SLC25A42: variants seen among roughly 807,000 people sequenced by gnomAD.
The protein encoded by SLC25A42 is mitochondrial coenzyme A transporter SLC25A42.
SLC25A42 carries 19 observed loss-of-function variants against 34.7 expected under a neutral mutation model. The ratio of observed to expected loss-of-function variants is 0.55; its 90% CI spans 0.38 to 0.80. The LOEUF (loss-of-function observed/expected upper bound fraction) is 0.80, where lower values mean the gene tolerates loss of function less well. Ranked by LOEUF, SLC25A42 falls within the 30% of genes least tolerant of loss-of-function variation. The pLI is 0.00. For synonymous variants in SLC25A42, 205 were observed against 191.2 expected (o/e 1.07, Z -0.59); for missense variants, 364 against 441.3 (o/e 0.82, Z 1.57).
intron 1 of SLC25A42, among the ~76,000 whole-genome samples, chr19:19,069,429 T>TG (rs1462491776): frequency 1.3e-5 from 2 of 152,066 alleles, no homozygotes; most frequent in African/African-American, 2.4e-5. Flanking sequence ...TACCACAAAC[T>TG]GGGGGGCTTC....
chr19:19,069,316 G>C (rs190062062), intron 1 of SLC25A42, among the ~76,000 whole-genome samples: 158 of 152,352 alleles, frequency 1.0e-3, no homozygotes, highest in African/African-American at 3.7e-3. Context: ...GGTTCTGGCA[G>C]GCAAATGGCT....
Position 19,074,431 on chromosome 19 carries a change from T to G in SLC25A42, c.-35+10316T>G, listed in dbSNP as rs1258781623. On this transcript the variant is annotated intron_variant, in intron 1 of 7. Coordinates refer to ENST00000318596, the MANE Select transcript of SLC25A42 (RefSeq NM_178526.5). ...GCTGGCAGATAGGATGTTAATTGGC[T>G]TCCGTTTACTGAGAGATTACAGGAT... 2.6e-5 allele frequency among the ~76,000 whole-genome samples: 4 copies of G among 152,210 alleles called. No individual in the cohort carries two copies. In the East Asian group the frequency reaches 7.7e-4, roughly 29 times the overall value.
intron 2 of SLC25A42, among the ~76,000 whole-genome samples, chr19:19,098,162 G>A (rs1471100100): frequency 6.6e-6 from 1 of 152,160 alleles, no homozygotes; most frequent in Non-Finnish European, 1.5e-5. Flanking sequence ...AGGTGTTTGT[G>A]TTCATTAGAG....
At chr19:19,079,916 T>A (rs1352204640) in intron 1 of SLC25A42, among the ~76,000 whole-genome samples, 4 of 152,032 alleles carry the variant, frequency 2.6e-5, no homozygotes, top group Non-Finnish European at 4.4e-5. Context: ...TGCCTGGAAG[T>A]GGAATTGCTG....
At chr19:19,070,896 G>A (rs1326425284) in intron 1 of SLC25A42, among the ~76,000 whole-genome samples, 1 of 151,800 alleles carries the variant, frequency 6.6e-6, no homozygotes, top group Non-Finnish European at 1.5e-5. Context: ...GATGGCTCAT[G>A]TTGGCAGCTT....
intron 1 of SLC25A42, among the ~76,000 whole-genome samples, chr19:19,075,200 A>C (rs938533971): frequency 6.6e-6 from 1 of 152,050 alleles, no homozygotes; most frequent in Admixed American, 6.6e-5. Flanking sequence ...GCAACTGTCA[A>C]CTTGCTTGGA....
In SLC25A42 at chr19:19,097,513, C is replaced by T. The variant is rs573671840; in HGVS notation, c.81+1308C>T. ...AGGCAGCGGTGGCTGCTGAACCACA[C>T]GCAGAAATGCGCCAGTGCTGGTCAC... On this transcript the variant is annotated intron_variant, in intron 2 of 7. Coordinates refer to ENST00000318596, the MANE Select transcript of SLC25A42 (RefSeq NM_178526.5). 7.2e-5 allele frequency among the ~76,000 whole-genome samples: 11 copies of T among 152,360 alleles called. No homozygotes were observed. The East Asian group carries it at 7.7e-4, about 11-fold the overall frequency.
intron 2 of SLC25A42, among the ~76,000 whole-genome samples, chr19:19,097,242 G>A (rs1488034083): frequency 6.6e-6 from 1 of 152,196 alleles, no homozygotes; most frequent in Non-Finnish European, 1.5e-5. Context: ...CAAAGGCTGA[G>A]GTGGCGTCAT....
At chr19:19,110,201 C>T (rs2059855264) in intron 7 of SLC25A42, among the ~76,000 whole-genome samples, 1 of 152,064 alleles carries the variant, frequency 6.6e-6, no homozygotes, top group South Asian at 2.1e-4. Context: ...ACAACATTAG[C>T]CAGGCGTGGT....
chr19:19,073,086 C>T (rs2059638880), intron 1 of SLC25A42, among the ~76,000 whole-genome samples: 1 of 152,208 alleles, frequency 6.6e-6, no homozygotes, highest in African/African-American at 2.4e-5. Context: ...GGCAGGGAGC[C>T]TGTGCATGCT....
intron 1 of SLC25A42, among the ~76,000 whole-genome samples, chr19:19,080,348 G>GC (rs2059674953): frequency 6.6e-6 from 1 of 152,156 alleles, no homozygotes; most frequent in Non-Finnish European, 1.5e-5. Context: ...GATAAGGACA[G>GC]CCCCACCCCC....
At chr19:19,090,428 CT>C (rs1301096119) in intron 1 of SLC25A42, among the ~76,000 whole-genome samples, 17 of 140,678 alleles carry the variant, frequency 1.2e-4, no homozygotes, top group Admixed American at 1.0e-3. Flanking sequence ...CTTGGGAGCC[CT>C]TTATAAGGAA....
At chr19:19,110,365 T>C (rs1453899987) in intron 7 of SLC25A42, among the ~76,000 whole-genome samples, 2 of 152,180 alleles carry the variant, frequency 1.3e-5, no homozygotes, top group Non-Finnish European at 2.9e-5. Flanking sequence ...TTTTTTTTAT[T>C]TCTCGAGTTT....
At chr19:19,090,365 A>T (rs1568515420) in intron 1 of SLC25A42, among the ~76,000 whole-genome samples, 1 of 152,198 alleles carries the variant, frequency 6.6e-6, no homozygotes, top group African/African-American at 2.4e-5. Context: ...GTAACAAAAG[A>T]CAGATTAACA....
rs1314495280 is a variant in SLC25A42 at position 19,094,766 on chromosome 19, G to A, written c.-34-1325G>A. Among the ~76,000 whole-genome samples the A allele has an allele frequency of 2.0e-5, 3 of 152,200 alleles. No homozygotes were observed. In the East Asian group the frequency reaches 5.8e-4, roughly 29 times the overall value. ...ATTTTAAAGCGTGGGAACTAACCAG[G>A]CACGGTGGCCATGCCTGGAATCCCA... is the stretch of plus-strand genomic sequence containing the variant. On this transcript the variant is annotated intron_variant, in intron 1 of 7. Coordinates refer to ENST00000318596, the MANE Select transcript of SLC25A42 (RefSeq NM_178526.5).
intron 1 of SLC25A42, among the ~76,000 whole-genome samples, chr19:19,065,866 G>GT (rs200108297): frequency 9.4e-4 from 143 of 151,800 alleles, no homozygotes; most frequent in African/African-American, 3.3e-3. Context: ...TAGTTTTTGG[G>GT]TTTTTTTTGA....
chr19:19,088,803 T>C (rs975654157), intron 1 of SLC25A42, among the ~76,000 whole-genome samples: 1 of 151,414 alleles, frequency 6.6e-6, no homozygotes, highest in Non-Finnish European at 1.5e-5. Context: ...CGGCCTTTTT[T>C]TTTTCGTTTT....
At position 19,110,651 on chromosome 19, in the gene SLC25A42, G is replaced by C. The variant is rs1443111938; in HGVS notation, c.732G>C (p.Ser244=). The part of the protein sequence containing the change: ...ACAGLIGQSA[S]YPLDVVRRRM... ...CTGGCCTCATCGGGCAGTCGGCCTC[G>C]TACCCGCTGGATGTGGTGCGGCGGC... is the stretch of plus-strand genomic sequence containing the variant. Residue 244 remains serine, a synonymous_variant, in exon 8 of 8, where the codon TCG becomes TCC. Transcript: ENST00000318596. 6.4e-7 allele frequency: 1 copy of C among 1,552,310 alleles called. No individual in the cohort carries two copies. Among genetic ancestry groups the C allele is most frequent in the Admixed American group, 2.0e-5 (1 of 51,176 alleles).
chr19:19,075,871 T>G (rs1037455224), intron 1 of SLC25A42, among the ~76,000 whole-genome samples: 9 of 152,066 alleles, frequency 5.9e-5, no homozygotes, highest in Non-Finnish European at 1.3e-4. Flanking sequence ...TGGCTTCCCC[T>G]CCCCTGAAGA....
Sources: gnomAD v4.1 joint callset for allele counts (sites outside exome capture counted in the v4.1 genomes callset) on GRCh38, gnomAD v4.1.1 for gene constraint, MANE v1.5 for transcripts, NCBI Gene and HGNC (gene_info 2026-07-23, HGNC 2026-07-21) for gene names.